STK32B: variants seen among roughly 807,000 people sequenced by gnomAD.
The protein encoded by STK32B is serine/threonine-protein kinase 32B.
A neutral mutation model predicts 52.6 loss-of-function variants in STK32B; 43 were observed. The observed-to-expected ratio is 0.82, with a 90% CI of 0.64 to 1.05. The LOEUF is 1.05. Ranked by LOEUF, STK32B falls within the 50% of genes least tolerant of loss-of-function variation. STK32B has a pLI of 0.00. For missense variants in STK32B, 621 were observed against 534.6 expected, an observed-to-expected ratio of 1.16 and a Z score of -1.59; for synonymous variants, 238 against 204.3, an observed-to-expected ratio of 1.17 and a Z score of -1.41.
chr4:5,052,335 T>C (rs1053430316), intron 1 of STK32B, among the ~76,000 whole-genome samples: 2 of 152,244 alleles, frequency 1.3e-5, no homozygotes, highest in Admixed American at 1.3e-4. Context: ...TCTGTGTGTG[T>C]GTGCGCGTGC....
rs1716940407 is a variant in STK32B at position 5,460,384 on chromosome 4, G to C, written c.909+156G>C. On this transcript the variant is annotated intron_variant, in intron 9 of 11. Coordinates refer to ENST00000282908, the MANE Select transcript of STK32B (RefSeq NM_018401.3). The surrounding 1 kb of genome is among the most constrained non-coding windows in gnomAD (Gnocchi z 4.8). Reference sequence around the variant, plus strand: ...TCTTGCTGGAATTCAGGGTGAACTTGGGCCTGATTTCCAGGGTCCCAGCCG... The same window carrying C: ...TCTTGCTGGAATTCAGGGTGAACTTCGGCCTGATTTCCAGGGTCCCAGCCG... Among the ~76,000 whole-genome samples, 1 of 152,182 alleles carries C rather than the reference G, an allele frequency of 6.6e-6. No homozygotes were observed. Among genetic ancestry groups the C allele is most frequent in the South Asian group, 2.1e-4 (1 of 4,820 alleles).
At chr4:5,439,179 C>T (rs1478033217) in intron 6 of STK32B, among the ~76,000 whole-genome samples, 5 of 149,256 alleles carry the variant, frequency 3.3e-5, no homozygotes, top group Non-Finnish European at 7.5e-5. Flanking sequence ...AATCGCCACA[C>T]TGACTTCCAC....
At chr4:5,183,251 G>A (rs558166745) in intron 3 of STK32B, among the ~76,000 whole-genome samples, 28 of 152,284 alleles carry the variant, frequency 1.8e-4, no homozygotes, top group African/African-American at 6.7e-4. Flanking sequence ...CCCGAGGCAG[G>A]CAGATCACCT....
At chr4:5,273,991 T>TA (rs549792517) in intron 3 of STK32B, among the ~76,000 whole-genome samples, 7,868 of 149,098 alleles carry the variant, frequency 0.053, 275 homozygotes, top group African/African-American at 0.11. Context: ...TAAAGTATAA[T>TA]AAAAAAAAAG....
intron 2 of STK32B, 50 bp from the exon 3 acceptor site, chr4:5,168,249 T>C: frequency 1.3e-6 from 2 of 1,576,388 alleles, no homozygotes; most frequent in East Asian, 2.3e-5. Flanking sequence ...CTCCTTTGTC[T>C]CCCTTTTCGA....
chr4:5,339,060 A>G (rs73093805), intron 4 of STK32B, among the ~76,000 whole-genome samples: 4 of 151,304 alleles, frequency 2.6e-5, no homozygotes, highest in African/African-American at 7.2e-5. Context: ...CACTCTTTCT[A>G]CTTGACTGAA....
the STK32B span, among the ~76,000 whole-genome samples, chr4:5,033,584 G>T: frequency 6.6e-6 from 1 of 152,166 alleles, no homozygotes; most frequent in Non-Finnish European, 1.5e-5. Flanking sequence ...GAATTTGAAT[G>T]GTTCCTTTTT....
intron 11 of STK32B, among the ~76,000 whole-genome samples, chr4:5,486,843 A>G (rs902759764): frequency 2.4e-4 from 36 of 152,222 alleles, no homozygotes; most frequent in African/African-American, 8.2e-4. Flanking sequence ...AACAAAGAGA[A>G]GGTTAGAGGT....
intron 3 of STK32B, among the ~76,000 whole-genome samples, chr4:5,282,484 A>G (rs1728268965): frequency 6.6e-6 from 1 of 152,172 alleles, no homozygotes; most frequent in Non-Finnish European, 1.5e-5. Flanking sequence ...TATACAATCT[A>G]CTGTAATAGA....
rs1400271337 is a variant in STK32B, at chr4:5,378,308, A to G, written c.435-19899A>G. Among the ~76,000 whole-genome samples the G allele has an allele frequency of 1.3e-5, 2 of 152,164 alleles. No individual in the cohort carries two copies. Among genetic ancestry groups the G allele is most frequent in the Non-Finnish European group, 2.9e-5 (2 of 68,020 alleles). On this transcript the variant is annotated intron_variant, in intron 4 of 11. Coordinates refer to ENST00000282908, the MANE Select transcript of STK32B (RefSeq NM_018401.3). This position sits in a 1 kb window ranked among gnomAD's most constrained non-coding sequence, Gnocchi z 4.4. Reference sequence around the variant, plus strand: ...GACAGTCCATGGTAACGGTTTTCACACTTGAGGCTGCAGATCCATCACTTG... The same window carrying G: ...GACAGTCCATGGTAACGGTTTTCACGCTTGAGGCTGCAGATCCATCACTTG...
At chr4:5,022,042 C>A in the STK32B span, among the ~76,000 whole-genome samples, 1 of 152,138 alleles carries the variant, frequency 6.6e-6, no homozygotes, top group African/African-American at 2.4e-5. Context: ...GGAGAAACAG[C>A]CTGTGCCGAG....
intron 6 of STK32B, among the ~76,000 whole-genome samples, chr4:5,419,071 A>G (rs1350029865): frequency 6.6e-6 from 1 of 152,216 alleles, no homozygotes; most frequent in Non-Finnish European, 1.5e-5. Flanking sequence ...CTGGAAGGAT[A>G]AATTCCACCT....
chr4:5,482,188 T>A (rs1030937814), intron 11 of STK32B, among the ~76,000 whole-genome samples: 8 of 152,220 alleles, frequency 5.3e-5, no homozygotes, highest in African/African-American at 1.4e-4. Context: ...TATGGCCATT[T>A]TCACGATATT....
intron 1 of STK32B, among the ~76,000 whole-genome samples, chr4:5,079,947 T>C (rs1210899313): frequency 1.6e-4 from 25 of 152,078 alleles, no homozygotes; most frequent in Non-Finnish European, 2.5e-4. Context: ...GGATGGTAGT[T>C]AAGAGAGGTT....
intron 1 of STK32B, among the ~76,000 whole-genome samples, chr4:5,130,448 C>T (rs761194121): frequency 5.9e-5 from 9 of 152,004 alleles, no homozygotes; most frequent in Admixed American, 1.3e-4. Flanking sequence ...GAATCCAAAC[C>T]GGGCTTGGGC....
chr4:5,249,560 A>T (rs570718108), intron 3 of STK32B, among the ~76,000 whole-genome samples: 102 of 150,006 alleles, frequency 6.8e-4, no homozygotes, highest in African/African-American at 2.4e-3. Flanking sequence ...TCTTAATTAT[A>T]TAAGCATATG....
intron 1 of STK32B, among the ~76,000 whole-genome samples, chr4:5,125,188 A>G (rs1715286041): frequency 6.8e-6 from 1 of 148,052 alleles, no homozygotes; most frequent in South Asian, 2.3e-4. Flanking sequence ...GTCCAACAAG[A>G]GCAGCTTGGT....
chr4:5,457,699 C>A (rs946299964), intron 8 of STK32B, among the ~76,000 whole-genome samples: 3 of 151,402 alleles, frequency 2.0e-5, no homozygotes, highest in Non-Finnish European at 2.9e-5. Context: ...GAAACCCCGT[C>A]TCTCTAAAAA....
At chr4:5,325,453 C>T (rs62300006) in intron 3 of STK32B, among the ~76,000 whole-genome samples, 2,630 of 152,152 alleles carry the variant, frequency 0.017, 33 homozygotes, top group Non-Finnish European at 0.026. Flanking sequence ...GATCTTGAGG[C>T]ATAAATTGGG....
Sources: gnomAD v4.1 joint callset for allele counts (sites outside exome capture counted in the v4.1 genomes callset) on GRCh38, gnomAD v4.1.1 for gene constraint, Gnocchi (gnomAD v3.1) non-coding constraint, MANE v1.5 for transcripts, NCBI Gene and HGNC (gene_info 2026-07-23, HGNC 2026-07-21) for gene names.